Variants in PACRG observed in about 807,000 individuals in gnomAD.
PACRG encodes the protein parkin coregulated.
PACRG carries 29 observed loss-of-function variants against 29.7 expected under a neutral mutation model. That is an observed-to-expected ratio of 0.98 (90% CI 0.73 to 1.33). The LOEUF (loss-of-function observed/expected upper bound fraction) is 1.33, where lower values mean the gene tolerates loss of function less well. PACRG is among the 40% of genes most tolerant of loss of function. PACRG has a pLI of 0.00. For synonymous variants in PACRG, 116 were observed against 118.7 expected (o/e 0.98, Z 0.15); for missense variants, 279 against 316.2 (o/e 0.88, Z 0.89).
intron 4 of PACRG, among the ~76,000 whole-genome samples, chr6:163,222,794 A>G (rs1585346480): frequency 6.6e-6 from 1 of 152,204 alleles, no homozygotes; most frequent in Non-Finnish European, 1.5e-5. Context: ...ATAAACAGTT[A>G]TAAGTATTAA....
rs1349330505 is a variant in PACRG, at chr6:163,178,222, A to G, written c.613+88814A>G. ...GCAGGGTCTGGGAATGCTCATTCCC[A>G]CCTTGTTGCCTCATGAGCACGCCCC... On this transcript the variant is annotated intron_variant, in intron 4 of 4. Coordinates refer to ENST00000366888, the MANE Select transcript of PACRG (RefSeq NM_001080379.2). Among the ~76,000 whole-genome samples, 13 of 152,232 alleles carry G rather than the reference A, an allele frequency of 8.5e-5. No homozygotes were observed. The South Asian group carries it at 2.5e-3, about 29-fold the overall frequency.
chr6:163,312,343 G>T (rs1365412828), intron 4 of PACRG, among the ~76,000 whole-genome samples: 1 of 152,140 alleles, frequency 6.6e-6, no homozygotes, highest in African/African-American at 2.4e-5. Context: ...GTCACGCAGG[G>T]TCCTCCCACC....
Position 163,078,520 on chromosome 6 carries a change from A to G in PACRG, c.464-10739A>G, listed in dbSNP as rs117735584. Among the ~76,000 whole-genome samples, 227 of 152,074 alleles carry G rather than the reference A, an allele frequency of 1.5e-3. 1 individual carries two copies. Among genetic ancestry groups the G allele is most frequent in the Non-Finnish European group, 2.9e-3 (195 of 67,966 alleles). On this transcript the variant is annotated intron_variant, in intron 3 of 4. Transcript: ENST00000366888. ...AAAAAAAAAGGGGGGGAGGGGGGCA[A>G]TGATGATAATGACATCCAATTTATT...
chr6:163,098,322 C>A (rs182000803), intron 4 of PACRG, among the ~76,000 whole-genome samples: 52 of 152,162 alleles, frequency 3.4e-4, no homozygotes, highest in African/African-American at 1.1e-3. Context: ...CTACGAGACA[C>A]CCTACTGCCA....
At position 163,315,167 on chromosome 6, in the gene PACRG, T is replaced by C. The variant is rs1785601303; in HGVS notation, c.*180T>C. 8 of 640,288 alleles carry C rather than the reference T, an allele frequency of 1.2e-5. No homozygotes were observed. The highest frequency in any genetic ancestry group is 2.1e-5 in the Non-Finnish European group (8 of 383,108). The allele number at this position is 640,288 out of a possible 1,614,324, so 39.7% of individuals were successfully genotyped here. A position where few individuals can be genotyped will look rare whatever the true frequency, so the allele number is the denominator to read the frequency against. ...AGAGCAAGGCTTTCCAATACATAAA[T>C]AGTGTCTGTTTCTTAGATTACAATA... On this transcript the variant is annotated 3_prime_UTR_variant, in exon 5 of 5. Coordinates refer to ENST00000366888, the MANE Select transcript of PACRG (RefSeq NM_001080379.2).
At chr6:162,728,469 G>A in intron 1 of PACRG, 78 bp downstream of exon 1, 1 of 1,531,740 alleles carries the variant, frequency 6.5e-7, no homozygotes, top group Non-Finnish European at 8.8e-7. Context: ...CCAGCCTTAG[G>A]ATGGACTCTG....
At chr6:162,755,576 C>T (rs111441095) in intron 1 of PACRG, among the ~76,000 whole-genome samples, 6,751 of 152,140 alleles carry the variant, frequency 0.044, 512 homozygotes, top group African/African-American at 0.15. Context: ...GCTGGGATTA[C>T]AGGCACCCGC....
rs1799265705 is a variant in PACRG, at chr6:162,947,601, T to TACTC, written c.292-114548_292-114547insCTCA. 1.3e-4 allele frequency among the ~76,000 whole-genome samples: 9 copies of TACTC among 70,804 alleles called. No individual in the cohort carries two copies. In the Admixed American group the frequency reaches 1.7e-3, roughly 13 times the overall value. The allele number at this position is 70,804 out of a possible 152,430, so 46.5% of individuals were successfully genotyped here. A position where few individuals can be genotyped will look rare whatever the true frequency, so the allele number is the denominator to read the frequency against. On this transcript the variant is annotated intron_variant, in intron 2 of 4. Transcript: ENST00000366888. ...ATATAATCATATATATAATCATATA[T>TACTC]ATATATAATCATATATATATATATA...
chr6:163,312,249 G>A (rs1164939682), intron 4 of PACRG, among the ~76,000 whole-genome samples: 1 of 152,080 alleles, frequency 6.6e-6, no homozygotes, highest in Non-Finnish European at 1.5e-5. Flanking sequence ...CAACTCTGAG[G>A]GGACATTTGT....
intron 1 of PACRG, among the ~76,000 whole-genome samples, chr6:162,745,079 T>C (rs1780884130): frequency 1.3e-5 from 2 of 152,194 alleles, no homozygotes; most frequent in Non-Finnish European, 2.9e-5. Context: ...ATAACTTTCA[T>C]ATTTAATGGC....
chr6:163,235,294 A>T (rs1232513769), intron 4 of PACRG, among the ~76,000 whole-genome samples: 2 of 152,178 alleles, frequency 1.3e-5, no homozygotes, highest in African/African-American at 4.8e-5. Flanking sequence ...GCATATACAG[A>T]TATATTTCTT....
intron 2 of PACRG, among the ~76,000 whole-genome samples, chr6:163,010,787 G>A (rs929747787): frequency 9.2e-5 from 14 of 152,180 alleles, no homozygotes; most frequent in South Asian, 4.1e-4. Flanking sequence ...GGAATGACAC[G>A]GATATAAAGG....
chr6:162,801,210 G>A (rs899325157), intron 1 of PACRG, among the ~76,000 whole-genome samples: 1 of 152,130 alleles, frequency 6.6e-6, no homozygotes, highest in Non-Finnish European at 1.5e-5. Flanking sequence ...CTGAGTTCAA[G>A]CAATTCTCCT....
At chr6:163,092,925 G>A (rs1220480224) in intron 4 of PACRG, among the ~76,000 whole-genome samples, 2 of 152,230 alleles carry the variant, frequency 1.3e-5, no homozygotes, top group African/African-American at 4.8e-5. Context: ...CTCTCGTTGG[G>A]TGACCTGTCG....
At chr6:162,727,786 C>A, upstream of PACRG, 1 of 1,118,794 alleles carries the variant, frequency 8.9e-7, no homozygotes. Flanking sequence ...CCCGCCCCCG[C>A]GCCCGGCCCT....
At chr6:162,850,944 A>G (rs900090373) in intron 2 of PACRG, among the ~76,000 whole-genome samples, 2 of 152,354 alleles carry the variant, frequency 1.3e-5, no homozygotes, top group East Asian at 3.9e-4. Context: ...ATCGGATGCC[A>G]TCTCCAGGTG....
At chr6:162,838,577 C>A (rs572094496) in intron 2 of PACRG, among the ~76,000 whole-genome samples, 1 of 151,944 alleles carries the variant, frequency 6.6e-6, no homozygotes, top group Admixed American at 6.6e-5. Flanking sequence ...TTATTAGAAC[C>A]CCCTTATTAA....
intron 2 of PACRG, among the ~76,000 whole-genome samples, chr6:162,819,467 C>T (rs1349735835): frequency 3.3e-5 from 5 of 151,992 alleles, no homozygotes; most frequent in African/African-American, 9.7e-5. Context: ...TTTAAATTGT[C>T]TTACAAAAAA....
intron 2 of PACRG, among the ~76,000 whole-genome samples, chr6:162,854,636 A>G (rs1469303821): frequency 6.6e-6 from 1 of 152,222 alleles, no homozygotes; most frequent in African/African-American, 2.4e-5. Context: ...GTTTTGATAG[A>G]TGGTGTAACT....
Sources: gnomAD v4.1 joint callset for allele counts (sites outside exome capture counted in the v4.1 genomes callset) on GRCh38, gnomAD v4.1.1 for gene constraint, MANE v1.5 for transcripts, NCBI Gene and HGNC (gene_info 2026-07-23, HGNC 2026-07-21) for gene names.